Variants in PTPRK observed in about 807,000 individuals in gnomAD.
PTPRK encodes the protein protein tyrosine phosphatase receptor type K.
PTPRK carries 75 observed loss-of-function variants against 178.0 expected under a neutral mutation model. That is an observed-to-expected ratio of 0.42 (90% confidence interval 0.35 to 0.51). The LOEUF is 0.51. Ranked by LOEUF, PTPRK falls within the 20% of genes least tolerant of loss-of-function variation. The pLI, the probability that PTPRK is intolerant of heterozygous loss-of-function variation, is 0.02. For synonymous variants in PTPRK, 637 were observed against 620.6 expected (o/e 1.03, Z -0.39); for missense variants, 1,441 against 1,797.8 (o/e 0.80, Z 3.59).
In PTPRK at chr6:128,274,121, A is replaced by T. The variant is rs1205272917; in HGVS notation, c.496-31519T>A. 3.9e-5 allele frequency among the ~76,000 whole-genome samples: 6 copies of T among 152,306 alleles called. No homozygotes were observed. In the East Asian group the frequency reaches 1.2e-3, roughly 29 times the overall value. On this transcript the variant is annotated intron_variant, in intron 3 of 29. Transcript: ENST00000368226. ...AATATTTAAATTATACCTTTACAAT[A>T]TGATTAAAATGAATATTTGCCAATA...
At chr6:128,002,003 C>T (rs1368254532) in intron 15 of PTPRK, among the ~76,000 whole-genome samples, 1 of 151,890 alleles carries the variant, frequency 6.6e-6, no homozygotes, top group Non-Finnish European at 1.5e-5. Flanking sequence ...TAAGACCACT[C>T]CCTGGGGCAA....
At chr6:128,433,756 ATCC>A (rs1381761627) in intron 1 of PTPRK, among the ~76,000 whole-genome samples, 1 of 150,300 alleles carries the variant, frequency 6.7e-6, no homozygotes, top group African/African-American at 2.5e-5. Flanking sequence ...AGCTCAAACA[ATCC>A]TCCTGCCTCG....
At chr6:128,459,370 C>T (rs1204627046) in intron 1 of PTPRK, among the ~76,000 whole-genome samples, 1 of 152,100 alleles carries the variant, frequency 6.6e-6, no homozygotes, top group Non-Finnish European at 1.5e-5. Context: ...CCCACAACCA[C>T]CTGGAAACCT....
chr6:128,471,869 T>C (rs969366444), intron 1 of PTPRK, among the ~76,000 whole-genome samples: 12 of 152,040 alleles, frequency 7.9e-5, no homozygotes, highest in African/African-American at 2.9e-4. Flanking sequence ...ATTACTTTAA[T>C]TGAGCTAATG....
chr6:128,065,243 A>G (rs1488504847), intron 12 of PTPRK, among the ~76,000 whole-genome samples: 1 of 152,214 alleles, frequency 6.6e-6, no homozygotes, highest in Non-Finnish European at 1.5e-5. Context: ...GCTAAATGAT[A>G]GCAGTTAGAA....
intron 21 of PTPRK, among the ~76,000 whole-genome samples, chr6:127,986,719 ACTGTGAACTAT>A (rs1470595828): frequency 7.9e-5 from 12 of 152,188 alleles, no homozygotes; most frequent in Non-Finnish European, 1.2e-4. Context: ...TTCAAATTCT[ACTGTGAACTAT>A]CTGTGAACTA....
In PTPRK at chr6:128,154,495, A is replaced by C. The variant is rs1175433430; in HGVS notation, c.1162+29937T>G. Among the ~76,000 whole-genome samples, 6 of 151,872 alleles carry C rather than the reference A, an allele frequency of 4.0e-5. 2 individuals are homozygous for C. The Admixed American group carries it at 4.0e-4, about 10-fold the overall frequency. On this transcript the variant is annotated intron_variant, in intron 7 of 29. Coordinates refer to ENST00000368226, the MANE Select transcript of PTPRK (RefSeq NM_002844.4). ...TTTAGATAAAAATTTCTTCTTTAAT[A>C]GTCTATATATCTTTGTAAACAACAA...
intron 1 of PTPRK, chr6:128,491,756 T>C (rs761370731): frequency 3.9e-6 from 2 of 518,266 alleles, no homozygotes; most frequent in South Asian, 1.4e-5. Context: ...TTCATGATCC[T>C]GGCCAGGGTT....
chr6:128,104,507 C>A (rs1202840941), intron 7 of PTPRK, among the ~76,000 whole-genome samples: 1 of 152,240 alleles, frequency 6.6e-6, no homozygotes, highest in Admixed American at 6.5e-5. Flanking sequence ...TAGGCATAAG[C>A]CACCACGCCC....
At chr6:128,367,535 A>C (rs1319885547) in intron 2 of PTPRK, among the ~76,000 whole-genome samples, 1 of 152,068 alleles carries the variant, frequency 6.6e-6, no homozygotes, top group African/African-American at 2.4e-5. Flanking sequence ...CCTGGCCCTC[A>C]CTTAAATTTA....
chr6:128,270,799 T>C (rs575462106), intron 3 of PTPRK, among the ~76,000 whole-genome samples: 1 of 152,252 alleles, frequency 6.6e-6, no homozygotes, highest in East Asian at 1.9e-4. Context: ...GCCAAAACCA[T>C]CTCAGGAATC....
At chr6:128,314,942 T>C (rs1053609987) in intron 3 of PTPRK, among the ~76,000 whole-genome samples, 8 of 152,088 alleles carry the variant, frequency 5.3e-5, no homozygotes, top group Non-Finnish European at 7.4e-5. Context: ...CTCTTTATTG[T>C]TCTGCTTACA....
At chr6:128,386,501 C>G (rs991884926) in intron 2 of PTPRK, among the ~76,000 whole-genome samples, 6 of 152,090 alleles carry the variant, frequency 3.9e-5, no homozygotes, top group Non-Finnish European at 8.8e-5. Flanking sequence ...GGAATTCACC[C>G]ACATTTATAA....
At chr6:128,361,167 T>C (rs1207707714) in intron 2 of PTPRK, among the ~76,000 whole-genome samples, 4 of 152,118 alleles carry the variant, frequency 2.6e-5, no homozygotes, top group Non-Finnish European at 5.9e-5. Context: ...ATTTACAAAC[T>C]CTATACTTGG....
chr6:128,316,365 C>T (rs920155397), intron 3 of PTPRK, among the ~76,000 whole-genome samples: 5 of 152,132 alleles, frequency 3.3e-5, no homozygotes, highest in Admixed American at 6.5e-5. Flanking sequence ...TTTCTCCTGA[C>T]CGCTCATTAT....
At chr6:128,298,488 G>C (rs866781638) in intron 3 of PTPRK, among the ~76,000 whole-genome samples, 55 of 151,710 alleles carry the variant, frequency 3.6e-4, no homozygotes, top group African/African-American at 1.2e-3. Context: ...CTGGCAAACC[G>C]AATCCAGCAG....
intron 13 of PTPRK, among the ~76,000 whole-genome samples, chr6:128,051,112 C>T (rs1434912578): frequency 2.6e-5 from 4 of 152,124 alleles, no homozygotes; most frequent in Admixed American, 2.0e-4. Flanking sequence ...CTCACAGGTT[C>T]AATTATTCCC....
rs571456723 is a variant in PTPRK, at chr6:128,384,217, C to T, written c.223+13349G>A. On this transcript the variant is annotated intron_variant, in intron 2 of 29. Transcript: ENST00000368226. ...GACAACTGGTTGAAGGGGGACTTCT[C>T]ATAGATATGTTCCACACGCACGATA... Among the ~76,000 whole-genome samples, 19 of 152,278 alleles carry T rather than the reference C, an allele frequency of 1.2e-4. No homozygotes were observed. In the South Asian group the frequency reaches 3.7e-3, roughly 30 times the overall value.
intron 7 of PTPRK, among the ~76,000 whole-genome samples, chr6:128,144,986 G>A (rs958049960): frequency 6.6e-6 from 1 of 152,130 alleles, no homozygotes; most frequent in African/African-American, 2.4e-5. Context: ...GGGCAATACT[G>A]TGGTGACAGT....
Sources: allele counts gnomAD v4.1 joint callset (sites outside exome capture counted in the v4.1 genomes callset), GRCh38; gene constraint gnomAD v4.1.1; transcripts MANE v1.5; gene names NCBI Gene and HGNC (gene_info 2026-07-23, HGNC 2026-07-21).